Variants in BRAF observed in about 807,000 individuals in gnomAD.
The protein encoded by BRAF is B-Raf proto-oncogene, serine/threonine kinase, also known as serine/threonine-protein kinase B-raf.
BRAF carries 16 observed loss-of-function variants against 104.6 expected under a neutral mutation model. That is an observed-to-expected ratio of 0.15 (90% CI 0.10 to 0.23). The LOEUF (loss-of-function observed/expected upper bound fraction) is 0.23, where lower values mean the gene tolerates loss of function less well. Among genes scored for constraint, BRAF ranks in the 10% least tolerant of loss-of-function variants. BRAF has a pLI of 1.00. For synonymous variants in BRAF, 310 were observed against 341.6 expected (o/e 0.91, Z 1.02); for missense variants, 541 against 937.3 (o/e 0.58, Z 5.52).
At chr7:140,869,574 G>C (rs535659874) in intron 1 of BRAF, among the ~76,000 whole-genome samples, 1 of 151,736 alleles carries the variant, frequency 6.6e-6, no homozygotes, top group Admixed American at 6.6e-5. Flanking sequence ...CAGAGGTTGC[G>C]GTGAGCCGAA....
intron 1 of BRAF, among the ~76,000 whole-genome samples, chr7:140,853,653 C>A (rs921015650): frequency 1.1e-4 from 17 of 152,180 alleles, no homozygotes; most frequent in Non-Finnish European, 1.8e-4. Flanking sequence ...CAAGTTCATT[C>A]ATCTCTTTAT....
rs544042364 is a variant in BRAF, at chr7:140,726,338, T to C, written c.*156A>G. On this transcript the variant is annotated 3_prime_UTR_variant, in exon 20 of 20. Transcript: ENST00000644969. ...TCCTAAAACATTCTTTCCTCTTTTG[T>C]TGGATGGGAAATTCCATTCTGTTCC... The C allele has an allele frequency of 1.0e-5, 15 of 1,437,946 alleles. No individual in the cohort carries two copies. The highest frequency in any genetic ancestry group is 1.9e-4 in the Middle Eastern group (1 of 5,272). 89.1% of individuals were successfully genotyped at this position (1,437,946 alleles called of 1,614,324 possible).
intron 18 of BRAF, among the ~76,000 whole-genome samples, chr7:140,738,508 A>G (rs1361934658): frequency 6.6e-6 from 1 of 152,330 alleles, no homozygotes; most frequent in East Asian, 1.9e-4. Context: ...TCATCAAGGC[A>G]TATTTATCCA....
chr7:140,902,920 CTTTTTTTTTTTT>C (rs111746402), intron 1 of BRAF, among the ~76,000 whole-genome samples: 1 of 125,540 alleles, frequency 8.0e-6, no homozygotes, highest in Non-Finnish European at 1.6e-5. Context: ...GACAGGATGA[CTTTTTTTTTTTT>C]TTTTTTTTTG....
intron 1 of BRAF, among the ~76,000 whole-genome samples, chr7:140,901,823 G>C (rs1815669973): frequency 6.6e-6 from 1 of 152,010 alleles, no homozygotes; most frequent in Non-Finnish European, 1.5e-5. Context: ...TCTGCATCTG[G>C]GGCACACTTT....
chr7:140,798,262 C>CTTTGTTTTTCTT lies in BRAF; in HGVS notation c.980+2099_980+2100insAAGAAAAACAAA, dbSNP rs1554402846. ...TCTAGGACAGAATGCTGTATGGGGA[C>CTTTGTTTTTCTT]TTTTTTTTTCTTTTTTTTGAGACGG... On this transcript the variant is annotated intron_variant, in intron 7 of 19. Coordinates refer to ENST00000644969, the MANE Select transcript of BRAF (RefSeq NM_001374258.1). Among the ~76,000 whole-genome samples the CTTTGTTTTTCTT allele has an allele frequency of 9.2e-5, 3 of 32,610 alleles. No individual in the cohort carries two copies. In the South Asian group the frequency reaches 2.3e-3, roughly 25 times the overall value. The allele number at this position is 32,610 out of a possible 152,430, so 21.4% of individuals were successfully genotyped here.
rs549474207 is a variant in BRAF at position 140,826,714 on chromosome 7, G to A, written c.504+7895C>T. On this transcript the variant is annotated intron_variant, in intron 3 of 19. Transcript: ENST00000644969. ...CTCAAAAAAGCGTGGGTTTGCGGGG[G>A]AAGTTGCAGTCATCCTAACACTTTA... Among the ~76,000 whole-genome samples the A allele has an allele frequency of 1.4e-4, 21 of 152,270 alleles. No individual in the cohort carries two copies. The South Asian group carries it at 4.1e-3, about 30-fold the overall frequency.
At chr7:140,906,004 C>T (rs372670431) in intron 1 of BRAF, among the ~76,000 whole-genome samples, 2 of 134,046 alleles carry the variant, frequency 1.5e-5, no homozygotes, top group South Asian at 2.6e-4. Context: ...AGGAGAATGG[C>T]GTGAACCCGG....
chr7:140,794,462 T>C lies in BRAF; in HGVS notation c.986A>G (p.Gln329Arg). 6.2e-7 allele frequency: 1 copy of C among 1,614,048 alleles called. No homozygotes were observed. The highest frequency in any genetic ancestry group is 8.5e-7 in the Non-Finnish European group (1 of 1,179,964). ...SAPASDSIGP[Q>R]ILTSPSPSKS... ...TGAAGGAGACGGACTGGTGAGAATT[T>C]GGGGCCTGGAAAAATGAAGTCATTG... is the stretch of plus-strand genomic sequence containing the variant. The change falls in exon 8 of 20, where the codon CAA becomes CGA. Residue 329 changes from glutamine to arginine, a missense_variant. By Grantham distance (43) the Gln-to-Arg change is conservative. Transcript: ENST00000644969.
chr7:140,775,321 A>G (rs1390243672), intron 14 of BRAF, among the ~76,000 whole-genome samples: 1 of 151,790 alleles, frequency 6.6e-6, no homozygotes, highest in Admixed American at 6.6e-5. Context: ...AATCTTTGCC[A>G]TGGTTTACTC....
intron 1 of BRAF, among the ~76,000 whole-genome samples, chr7:140,905,982 G>A (rs1490709324): frequency 1.4e-5 from 2 of 146,460 alleles, no homozygotes; most frequent in East Asian, 4.0e-4. Flanking sequence ...CAGCTACTTG[G>A]GAGGCTGAGG....
intron 3 of BRAF, among the ~76,000 whole-genome samples, chr7:140,824,859 T>C (rs1805845058): frequency 1.3e-5 from 2 of 152,170 alleles, no homozygotes; most frequent in Admixed American, 1.3e-4. Flanking sequence ...GCCTATTTAA[T>C]TTGCATTTTC....
Position 140,847,469 on chromosome 7 carries a change from G to A in BRAF, c.240+2642C>T, listed in dbSNP as rs369717729. On this transcript the variant is annotated intron_variant, in intron 2 of 19. Transcript: ENST00000644969. ...ATGGTGGTGCATGCCTGTAATCCCA[G>A]CTACTTGGGAGGCTGAGGTAGGAAA... is the stretch of plus-strand genomic sequence containing the variant. Among the ~76,000 whole-genome samples the A allele has an allele frequency of 1.7e-4, 26 of 152,108 alleles. No individual in the cohort carries two copies. In the East Asian group the frequency reaches 2.1e-3, roughly 12 times the overall value.
In BRAF at chr7:140,850,287, T is replaced by C. The variant is rs895524667; in HGVS notation, c.139-75A>G. On this transcript the variant is annotated intron_variant, in intron 1 of 19. Transcript: ENST00000644969. The stretch of plus-strand genomic sequence containing the variant: ...TTAGAAATATTTTAACATAGACAAC[T>C]ACATCACAGTAACTGCCAGTGTTCC... The C allele has an allele frequency of 2.3e-5, 26 of 1,134,608 alleles. No homozygotes were observed. The African/African-American group carries it at 3.9e-4, about 17-fold the overall frequency. The allele number at this position is 1,134,608 out of a possible 1,614,324, so 70.3% of individuals were successfully genotyped here. A position where few individuals can be genotyped will look rare whatever the true frequency, so the allele number is the denominator to read the frequency against.
chr7:140,785,075 G>T (rs1562958640), intron 10 of BRAF, among the ~76,000 whole-genome samples: 1 of 152,166 alleles, frequency 6.6e-6, no homozygotes, highest in African/African-American at 2.4e-5. Flanking sequence ...TCAAATTTCT[G>T]AAGTACACTG....
chr7:140,753,537 G>C (rs991675454), intron 15 of BRAF, 144 bp from the exon 15 acceptor site: 5 of 609,512 alleles, frequency 8.2e-6, no homozygotes, highest in African/African-American at 5.6e-5. Flanking sequence ...TTTCCTCTTA[G>C]AGTCAATAAG....
At chr7:140,918,493 G>C (rs538123094) in intron 1 of BRAF, among the ~76,000 whole-genome samples, 1 of 152,134 alleles carries the variant, frequency 6.6e-6, no homozygotes, top group Non-Finnish European at 1.5e-5. Flanking sequence ...AACAGGTCAC[G>C]GACTGGTAGA....
chr7:140,887,641 T>C (rs751231444), intron 1 of BRAF, among the ~76,000 whole-genome samples: 37 of 152,016 alleles, frequency 2.4e-4, no homozygotes, highest in Non-Finnish European at 4.9e-4. Flanking sequence ...ATAGGAAGAC[T>C]CTTTTTTGGG....
chr7:140,729,697 G>A (rs1795827049), intron 19 of BRAF, among the ~76,000 whole-genome samples: 1 of 152,054 alleles, frequency 6.6e-6, no homozygotes, highest in Non-Finnish European at 1.5e-5. Flanking sequence ...AGAATCACTT[G>A]AACCCGGGAG....
Sources: allele counts gnomAD v4.1 joint callset (sites outside exome capture counted in the v4.1 genomes callset), GRCh38; gene constraint gnomAD v4.1.1; transcripts MANE v1.5; gene names NCBI Gene and HGNC (gene_info 2026-07-23, HGNC 2026-07-21).